The following CPQ variants were observed in gnomAD, a reference collection of about 807,000 sequenced individuals.
CPQ encodes carboxypeptidase Q.
CPQ carries 37 observed loss-of-function variants against 45.7 expected under a neutral mutation model. The ratio of observed to expected loss-of-function variants is 0.81; its 90% CI spans 0.62 to 1.07. The LOEUF (loss-of-function observed/expected upper bound fraction) is 1.07. Among genes scored for constraint, CPQ ranks in the 50% least tolerant of loss-of-function variants. The pLI, the probability that CPQ is intolerant of heterozygous loss-of-function variation, is 0.00. For synonymous variants in CPQ, 186 were observed against 205.8 expected, an observed-to-expected ratio of 0.90 and a Z score of 0.82; for missense variants, 537 against 572.9, an observed-to-expected ratio of 0.94 and a Z score of 0.64.
chr8:96,970,132 G>A (rs886198624), intron 5 of CPQ, among the ~76,000 whole-genome samples: 4 of 152,178 alleles, frequency 2.6e-5, no homozygotes, highest in Non-Finnish European at 4.4e-5. Flanking sequence ...AGACTGTCTT[G>A]GAAAAGCCCC....
intron 4 of CPQ, among the ~76,000 whole-genome samples, chr8:96,911,575 C>A (rs1812664860): frequency 6.6e-6 from 1 of 152,176 alleles, no homozygotes. Flanking sequence ...GTTTTACTTA[C>A]ATCCTGTTTC....
intron 6 of CPQ, among the ~76,000 whole-genome samples, chr8:97,040,741 A>C (rs1487368904): frequency 6.6e-6 from 1 of 152,154 alleles, no homozygotes; most frequent in Non-Finnish European, 1.5e-5. Context: ...TAAATAGGGA[A>C]TCCTTTCCCC....
intron 7 of CPQ, among the ~76,000 whole-genome samples, chr8:97,134,197 T>C (rs1812007248): frequency 6.6e-6 from 1 of 152,244 alleles, no homozygotes; most frequent in East Asian, 1.9e-4. Context: ...AACAAATATC[T>C]GTTAAGCATC....
At chr8:96,999,641 T>C (rs1809236502) in intron 5 of CPQ, among the ~76,000 whole-genome samples, 1 of 152,114 alleles carries the variant, frequency 6.6e-6, no homozygotes, top group Non-Finnish European at 1.5e-5. Context: ...AGCCTAACAT[T>C]GATGGGCATT....
intron 3 of CPQ, among the ~76,000 whole-genome samples, chr8:96,839,516 G>A (rs1026849378): frequency 2.0e-5 from 3 of 152,068 alleles, no homozygotes; most frequent in Non-Finnish European, 4.4e-5. Flanking sequence ...AAGAATAAAT[G>A]CAATTAATTA....
intron 1 of CPQ, among the ~76,000 whole-genome samples, chr8:96,689,446 G>A (rs1036925365): frequency 1.3e-5 from 2 of 152,084 alleles, no homozygotes; most frequent in Non-Finnish European, 2.9e-5. Flanking sequence ...TCGTTATAGA[G>A]AATTCAGTAC....
intron 4 of CPQ, among the ~76,000 whole-genome samples, chr8:96,921,262 A>G (rs1272178521): frequency 6.6e-6 from 1 of 152,032 alleles, no homozygotes; most frequent in East Asian, 1.9e-4. Context: ...TTTCTATTGC[A>G]GTTCATTCAT....
At chr8:96,723,598 T>C (rs1809795610) in intron 1 of CPQ, among the ~76,000 whole-genome samples, 1 of 152,120 alleles carries the variant, frequency 6.6e-6, no homozygotes, top group South Asian at 2.1e-4. Context: ...CCTAAATGAG[T>C]ACCTTTTTAG....
At chr8:97,094,622 T>C (rs1244230735) in intron 7 of CPQ, among the ~76,000 whole-genome samples, 1 of 152,182 alleles carries the variant, frequency 6.6e-6, no homozygotes, top group African/African-American at 2.4e-5. Flanking sequence ...TCCAGGGCTA[T>C]GTTCTGAGTC....
chr8:96,978,538 A>C (rs1813828142), intron 5 of CPQ, among the ~76,000 whole-genome samples: 1 of 152,214 alleles, frequency 6.6e-6, no homozygotes, highest in Non-Finnish European at 1.5e-5. Flanking sequence ...ATACAGCATA[A>C]TAATGACCAG....
At chr8:97,017,138 C>A (rs1390509005) in intron 5 of CPQ, among the ~76,000 whole-genome samples, 1 of 152,204 alleles carries the variant, frequency 6.6e-6, no homozygotes, top group Non-Finnish European at 1.5e-5. Flanking sequence ...TATATCCCCA[C>A]TGGAGAGGGA....
intron 5 of CPQ, among the ~76,000 whole-genome samples, chr8:96,979,865 TTAGA>T (rs1813859252): frequency 6.6e-6 from 1 of 152,162 alleles, no homozygotes; most frequent in South Asian, 2.1e-4. Context: ...CCTCCTCATA[TTAGA>T]TAATCATTAT....
At chr8:97,044,628 T>G (rs564437511) in intron 6 of CPQ, among the ~76,000 whole-genome samples, 3 of 152,296 alleles carry the variant, frequency 2.0e-5, no homozygotes, top group Admixed American at 1.3e-4. Context: ...TCTACTTTTG[T>G]TCTTTGATGA....
intron 5 of CPQ, among the ~76,000 whole-genome samples, chr8:97,006,022 C>A (rs1367735144): frequency 2.0e-5 from 3 of 152,250 alleles, no homozygotes; most frequent in South Asian, 4.2e-4. Context: ...TGAATATTTT[C>A]CCCAAAAATG....
intron 1 of CPQ, among the ~76,000 whole-genome samples, chr8:96,775,826 G>T (rs1458370109): frequency 2.0e-5 from 3 of 152,148 alleles, no homozygotes; most frequent in African/African-American, 4.8e-5. Flanking sequence ...CCATACCATG[G>T]TGACAAGTAA....
intron 1 of CPQ, among the ~76,000 whole-genome samples, chr8:96,730,900 T>C (rs1170934526): frequency 2.8e-5 from 4 of 144,480 alleles, no homozygotes; most frequent in Non-Finnish European, 6.1e-5. Flanking sequence ...TATGCATTTT[T>C]TTTTAAAAAG....
At chr8:96,703,159 T>C (rs1809490156) in intron 1 of CPQ, among the ~76,000 whole-genome samples, 1 of 152,198 alleles carries the variant, frequency 6.6e-6, no homozygotes, top group Non-Finnish European at 1.5e-5. Flanking sequence ...GAAGCCATGA[T>C]TCAATAATCT....
intron 4 of CPQ, among the ~76,000 whole-genome samples, chr8:96,909,567 A>G (rs550720415): frequency 1.9e-4 from 29 of 152,258 alleles, no homozygotes; most frequent in African/African-American, 6.7e-4. Context: ...TTTTCTGTCC[A>G]TGGAGCTGGG....
At chr8:97,008,885 T>C (rs958168978) in intron 5 of CPQ, among the ~76,000 whole-genome samples, 4 of 152,204 alleles carry the variant, frequency 2.6e-5, no homozygotes, top group African/African-American at 9.6e-5. Flanking sequence ...AAGAAAAACG[T>C]CTTTGCCCTT....
Sources: allele counts gnomAD v4.1 joint callset (sites outside exome capture counted in the v4.1 genomes callset), GRCh38; gene constraint gnomAD v4.1.1; transcripts MANE v1.5; gene names NCBI Gene and HGNC (gene_info 2026-07-23, HGNC 2026-07-21).